Variants in RALGPS2 observed in about 807,000 individuals in gnomAD.
The protein encoded by RALGPS2 is Ral GEF with PH domain and SH3 binding motif 2.
Under a neutral mutation model 86.8 loss-of-function variants are expected in RALGPS2, and 43 were observed. The ratio of observed to expected loss-of-function variants is 0.50; its 90% CI spans 0.39 to 0.64. The LOEUF is 0.64. Ranked by LOEUF, RALGPS2 falls within the 30% of genes least tolerant of loss-of-function variation. The pLI, the probability that RALGPS2 is intolerant of heterozygous loss-of-function variation, is 0.00. For missense variants in RALGPS2, 536 were observed against 694.6 expected (o/e 0.77, Z 2.57); for synonymous variants, 243 against 231.3 (o/e 1.05, Z -0.46).
chr1:178,877,795 T>C (rs2102364226), intron 9 of RALGPS2, among the ~76,000 whole-genome samples, 160 bp downstream of exon 9: 1 of 152,274 alleles, frequency 6.6e-6, no homozygotes, highest in Middle Eastern at 3.4e-3. Flanking sequence ...TGCCATTTAC[T>C]ATGTAGCATC....
intron 1 of RALGPS2, among the ~76,000 whole-genome samples, chr1:178,771,199 A>G (rs765207007): frequency 3.3e-5 from 5 of 152,190 alleles, no homozygotes; most frequent in Non-Finnish European, 7.3e-5. Flanking sequence ...ATGGTAATCT[A>G]CAGTCTATAT....
chr1:178,902,556 T>TA lies in RALGPS2; in HGVS notation c.1630+346dup, dbSNP rs549454694. ...AATTTGAGAATATATACCCCATTGTTACTTCAAATTTTTAGAGACTTGCCA... is the reference window on the plus strand; with the variant it reads ...AATTTGAGAATATATACCCCATTGTTAACTTCAAATTTTTAGAGACTTGCCA... On this transcript the variant is annotated intron_variant, in intron 18 of 19. Coordinates refer to ENST00000367635, the MANE Select transcript of RALGPS2 (RefSeq NM_152663.5). 1.8e-3 allele frequency among the ~76,000 whole-genome samples: 279 copies of TA among 152,244 alleles called. 1 individual carries two copies. Among genetic ancestry groups the TA allele is most frequent in the African/African-American group, 3.6e-3 (150 of 41,576 alleles).
intron 1 of RALGPS2, among the ~76,000 whole-genome samples, chr1:178,736,912 A>T (rs1650744802): frequency 6.6e-6 from 1 of 152,162 alleles, no homozygotes; most frequent in African/African-American, 2.4e-5. Context: ...AACAAAAAGC[A>T]TATGAAGACT....
intron 19 of RALGPS2, among the ~76,000 whole-genome samples, chr1:178,908,159 C>T (rs141002981): frequency 6.6e-6 from 1 of 152,192 alleles, no homozygotes; most frequent in African/African-American, 2.4e-5. Context: ...CAATGTTTAC[C>T]TCCCACTTAC....
In RALGPS2 at chr1:178,897,710, T is replaced by G. The variant is rs1660008883; in HGVS notation, c.1478T>G (p.Leu493Arg). The G allele has an allele frequency of 6.2e-7, 1 of 1,612,514 alleles. No homozygotes were observed. The highest frequency in any genetic ancestry group is 1.3e-5 in the African/African-American group (1 of 74,802). Reference sequence around the variant, plus strand: ...TGGGCAGCTTTGTGTGGGACACAGCTTTTTTACTATGCTGCCAAATCTCTA... The same window carrying G: ...TGGGCAGCTTTGTGTGGGACACAGCGTTTTTACTATGCTGCCAAATCTCTA... Reference protein sequence around the residue: ...KYWAALCGTQLFYYAAKSLKA... With the variant: ...KYWAALCGTQRFYYAAKSLKA... Residue 493 changes from leucine to arginine, a missense_variant, in exon 17 of 20, where the codon CTT (leucine) becomes CGT (arginine). Physicochemically the swap from Leu to Arg is moderately radical, Grantham distance 102 (BLOSUM62 -2). Coordinates refer to ENST00000367635, the MANE Select transcript of RALGPS2 (RefSeq NM_152663.5).
intron 6 of RALGPS2, among the ~76,000 whole-genome samples, chr1:178,814,040 TTTCATATGCCTC>T (rs1355090179): frequency 2.0e-5 from 3 of 152,200 alleles, no homozygotes; most frequent in Admixed American, 2.0e-4. Flanking sequence ...CACTGGGAAT[TTTCATATGCCTC>T]TTCATATGCC....
intron 4 of RALGPS2, among the ~76,000 whole-genome samples, chr1:178,799,708 G>A (rs2102168069): frequency 6.6e-6 from 1 of 152,216 alleles, no homozygotes; most frequent in Admixed American, 6.5e-5. Flanking sequence ...CAATGCGCCT[G>A]GCCACCCAGA....
chr1:178,796,382 C>T (rs535380896), intron 4 of RALGPS2, among the ~76,000 whole-genome samples: 1 of 152,238 alleles, frequency 6.6e-6, no homozygotes, highest in Admixed American at 6.5e-5. Context: ...ACTGAGACTT[C>T]TTTGTAGATA....
At chr1:178,837,365 C>G (rs1187455754) in intron 8 of RALGPS2, among the ~76,000 whole-genome samples, 1 of 152,118 alleles carries the variant, frequency 6.6e-6, no homozygotes, top group African/African-American at 2.4e-5. Context: ...CAAACTTGAT[C>G]CCCATCTGAT....
chr1:178,821,086 A>G (rs917429855), intron 6 of RALGPS2, among the ~76,000 whole-genome samples: 6 of 152,188 alleles, frequency 3.9e-5, no homozygotes, highest in Admixed American at 3.3e-4. Context: ...TCTCAGCACG[A>G]ATGAGGGAAA....
At chr1:178,889,813 C>A in intron 14 of RALGPS2, 117 bp downstream of exon 14, 1 of 614,560 alleles carries the variant, frequency 1.6e-6, no homozygotes. Flanking sequence ...AAGTTTTCTA[C>A]TGGTAAAAGA....
At chr1:178,822,924 A>T (rs778147031) in intron 7 of RALGPS2, among the ~76,000 whole-genome samples, 8 of 152,176 alleles carry the variant, frequency 5.3e-5, no homozygotes, top group Non-Finnish European at 1.0e-4. Flanking sequence ...GGCTCAGAGG[A>T]TCCTCCAGCC....
intron 1 of RALGPS2, among the ~76,000 whole-genome samples, chr1:178,732,197 A>T (rs1002499974): frequency 1.3e-5 from 2 of 152,342 alleles, no homozygotes; most frequent in African/African-American, 4.8e-5. Context: ...CTTGTCAAAG[A>T]GTAAAAAAGT....
chr1:178,896,253 G>A (rs1255857193), intron 16 of RALGPS2, among the ~76,000 whole-genome samples: 1 of 151,966 alleles, frequency 6.6e-6, no homozygotes, highest in Non-Finnish European at 1.5e-5. Context: ...AACAGAAGAA[G>A]TAGAGGCAAG....
intron 1 of RALGPS2, among the ~76,000 whole-genome samples, chr1:178,748,858 A>G (rs535165472): frequency 2.5e-4 from 38 of 151,958 alleles, no homozygotes; most frequent in African/African-American, 8.9e-4. Flanking sequence ...CTCAAAAAAA[A>G]AAAAAAAAGA....
chr1:178,916,269 TAAG>T, intron 19 of RALGPS2, 58 bp from the exon 20 acceptor site: 4 of 1,364,178 alleles, frequency 2.9e-6, no homozygotes, highest in Non-Finnish European at 4.1e-6. Context: ...CAAGGAAAGA[TAAG>T]AAATACTCCT....
At chr1:178,861,710 C>T (rs73039851) in intron 8 of RALGPS2, among the ~76,000 whole-genome samples, 7,964 of 152,094 alleles carry the variant, frequency 0.052, 726 homozygotes, top group African/African-American at 0.18. Flanking sequence ...TTATAACTTA[C>T]GTATACAAAC....
intron 8 of RALGPS2, chr1:178,865,676 C>T: frequency 6.2e-7 from 1 of 1,614,010 alleles, no homozygotes; most frequent in Non-Finnish European, 8.5e-7. Flanking sequence ...AGGGTATCTT[C>T]TCTGGTTTAT....
Position 178,816,169 on chromosome 1 carries a change from C to T in RALGPS2, c.387+4765C>T, listed in dbSNP as rs113271165. Reference sequence around the variant, plus strand: ...AATATTGTTATTTTCCAACATAACCCGGTTGGTTTTACCACTTTAAATTGC... The same window carrying T: ...AATATTGTTATTTTCCAACATAACCTGGTTGGTTTTACCACTTTAAATTGC... On this transcript the variant is annotated intron_variant, in intron 6 of 19. Transcript: ENST00000367635. Among the ~76,000 whole-genome samples the T allele has an allele frequency of 1.3e-3, 195 of 152,108 alleles. 2 individuals are homozygous for T. Among genetic ancestry groups the T allele is most frequent in the African/African-American group, 4.3e-3 (178 of 41,508 alleles).
Sources: allele counts gnomAD v4.1 joint callset (sites outside exome capture counted in the v4.1 genomes callset), GRCh38; gene constraint gnomAD v4.1.1; transcripts MANE v1.5; gene names NCBI Gene and HGNC (gene_info 2026-07-23, HGNC 2026-07-21).